Variants in COL24A1 observed in about 807,000 individuals in gnomAD.
The protein encoded by COL24A1 is collagen alpha-1(XXIV) chain.
In COL24A1, 224 loss-of-function variants were observed where a neutral mutation model predicts 253.9. That is an observed-to-expected ratio of 0.88 (90% CI 0.79 to 0.99). COL24A1 has a LOEUF of 0.99. Ranked by LOEUF, COL24A1 falls within the 50% of genes least tolerant of loss-of-function variation. The pLI is 0.00. For missense variants in COL24A1, 2,131 were observed against 2,068.5 expected (o/e 1.03, Z -0.59); for synonymous variants, 685 against 673.7 (o/e 1.02, Z -0.26).
At chr1:86,011,679 T>C (rs1476329661) in intron 19 of COL24A1, among the ~76,000 whole-genome samples, 1 of 152,204 alleles carries the variant, frequency 6.6e-6, no homozygotes, top group Non-Finnish European at 1.5e-5. Context: ...TTTAAAAACA[T>C]TTATAGAATG....
intron 47 of COL24A1, among the ~76,000 whole-genome samples, chr1:85,792,621 T>C (rs1248904241): frequency 1.3e-5 from 2 of 151,122 alleles, no homozygotes; most frequent in Non-Finnish European, 2.9e-5. Flanking sequence ...GGTGAGAGAA[T>C]CGCTTGAGCC....
chr1:85,851,556 T>A (rs980965132), intron 37 of COL24A1, among the ~76,000 whole-genome samples: 4 of 152,196 alleles, frequency 2.6e-5, no homozygotes, highest in African/African-American at 9.6e-5. Context: ...CCAATTTACA[T>A]CCTCAATGGC....
chr1:85,993,517 A>C (rs1414885560), intron 19 of COL24A1, among the ~76,000 whole-genome samples: 1 of 151,994 alleles, frequency 6.6e-6, no homozygotes, highest in East Asian at 1.9e-4. Flanking sequence ...ATCTCGAGTG[A>C]CAAAGAGCAG....
chr1:85,906,234 T>C (rs1005496568), intron 28 of COL24A1, among the ~76,000 whole-genome samples: 1 of 128,190 alleles, frequency 7.8e-6, no homozygotes, highest in African/African-American at 2.8e-5. Flanking sequence ...AACAATTTTC[T>C]CCCATTTGCC....
In COL24A1 at chr1:86,111,793, G is replaced by T. The variant is rs183709852; in HGVS notation, c.1599+774C>A. ...AGACCACGAACCCACCGGGAGGAAT[G>T]AACAACTCCGGATAGGAGGAACGAA... On this transcript the variant is annotated intron_variant, in intron 5 of 59. Transcript: ENST00000370571. Among the ~76,000 whole-genome samples, 1,259 of 152,148 alleles carry T rather than the reference G, an allele frequency of 8.3e-3. 9 individuals are homozygous for T. Among genetic ancestry groups the T allele is most frequent in the African/African-American group, 0.028 (1,174 of 41,492 alleles).
At position 85,885,397 on chromosome 1, in the gene COL24A1, A is replaced by ATATATATATT. The variant is rs60994639; in HGVS notation, c.2976+4162_2976+4163insAATATATATA. Reference sequence around the variant, plus strand: ...TGTGTGTATATATATATATATATATATTTTTTTTTTAAGTAGAAACTAAAT... The same window carrying ATATATATATT: ...TGTGTGTATATATATATATATATATATATATATATTTTTTTTTTTTAAGTAGAAACTAAAT... On this transcript the variant is annotated intron_variant, in intron 32 of 59. Coordinates refer to ENST00000370571, the MANE Select transcript of COL24A1 (RefSeq NM_152890.7). Among the ~76,000 whole-genome samples the ATATATATATT allele has an allele frequency of 1.3e-3, 164 of 128,902 alleles. 3 individuals are homozygous for ATATATATATT. In the East Asian group the frequency reaches 0.019, roughly 15 times the overall value. The allele number at this position is 128,902 out of a possible 152,430, so 84.6% of individuals were successfully genotyped here. A position where few individuals can be genotyped will look rare whatever the true frequency, so the allele number is the denominator to read the frequency against.
chr1:85,982,633 T>C (rs1042393173), intron 20 of COL24A1, among the ~76,000 whole-genome samples: 1 of 151,906 alleles, frequency 6.6e-6, no homozygotes, highest in Non-Finnish European at 1.5e-5. Flanking sequence ...AGAAAAATGA[T>C]CATACAGATT....
chr1:85,965,796 A>G (rs1691512009), intron 22 of COL24A1, among the ~76,000 whole-genome samples: 1 of 152,162 alleles, frequency 6.6e-6, no homozygotes, highest in Non-Finnish European at 1.5e-5. Context: ...GTGCACAGGC[A>G]CTACAGCTAA....
intron 28 of COL24A1, among the ~76,000 whole-genome samples, chr1:85,902,336 C>T (rs1216373603): frequency 6.6e-6 from 1 of 152,178 alleles, no homozygotes; most frequent in African/African-American, 2.4e-5. Context: ...CCTGAATAAA[C>T]ACACTTTAAT....
intron 37 of COL24A1, among the ~76,000 whole-genome samples, chr1:85,863,937 T>G (rs1223836451): frequency 1.3e-5 from 2 of 152,138 alleles, no homozygotes; most frequent in Non-Finnish European, 2.9e-5. Context: ...ATAGGAACAC[T>G]TTTACACTGT....
intron 14 of COL24A1, among the ~76,000 whole-genome samples, chr1:86,024,211 C>G (rs12090143): frequency 0.057 from 8,701 of 152,176 alleles, 553 homozygotes; most frequent in African/African-American, 0.16. Flanking sequence ...GAACCTTTGA[C>G]AAGACAGTTA....
rs567247340 is a variant in COL24A1 at position 85,877,668 on chromosome 1, T to A, written c.2977-493A>T. 3.3e-5 allele frequency among the ~76,000 whole-genome samples: 5 copies of A among 152,090 alleles called. No individual in the cohort carries two copies. The East Asian group carries it at 9.6e-4, about 29-fold the overall frequency. ...ATGAGCCACTGCGCCCAGCTTCATGTGTGTTTTTAAAATAAATTTACTAAG... is the reference window on the plus strand; with the variant it reads ...ATGAGCCACTGCGCCCAGCTTCATGAGTGTTTTTAAAATAAATTTACTAAG... On this transcript the variant is annotated intron_variant, in intron 32 of 59. Transcript: ENST00000370571.
chr1:85,881,674 T>C (rs1006010341), intron 32 of COL24A1, among the ~76,000 whole-genome samples: 14 of 152,238 alleles, frequency 9.2e-5, no homozygotes, highest in African/African-American at 3.4e-4. Context: ...AATATCCATT[T>C]ATTGTCATTT....
intron 55 of COL24A1, among the ~76,000 whole-genome samples, chr1:85,757,691 T>A (rs142476232): frequency 6.6e-6 from 1 of 152,284 alleles, no homozygotes; most frequent in African/African-American, 2.4e-5. Flanking sequence ...GCCTAGCTCA[T>A]GACTGGCACA....
intron 7 of COL24A1, among the ~76,000 whole-genome samples, chr1:86,069,736 C>T (rs1289229569): frequency 6.6e-6 from 1 of 152,094 alleles, no homozygotes; most frequent in Non-Finnish European, 1.5e-5. Context: ...CTTGGTAATC[C>T]AGAGAATTCT....
At chr1:85,840,355 C>T (rs1245741571) in intron 42 of COL24A1, among the ~76,000 whole-genome samples, 1 of 152,030 alleles carries the variant, frequency 6.6e-6, no homozygotes, top group Admixed American at 6.6e-5. Flanking sequence ...CCTTTAGATA[C>T]CTATATATCT....
Position 86,146,173 on chromosome 1 carries a change from G to C in COL24A1, c.67C>G (p.Leu23Val), listed in dbSNP as rs773325885. The C allele has an allele frequency of 1.9e-6, 3 of 1,610,138 alleles. No individual in the cohort carries two copies. Among genetic ancestry groups the C allele is most frequent in the African/African-American group, 2.7e-5 (2 of 74,878 alleles). Residue 23 changes from leucine (L) to valine (V), a missense_variant, in exon 2 of 60, where the codon CTT becomes GTT. By Grantham distance (32) the Leu-to-Val change is conservative (BLOSUM62 1). Coordinates refer to ENST00000370571, the MANE Select transcript of COL24A1 (RefSeq NM_152890.7). ...VSPTAKTKSL[L>V]HFIVLCVAGV... ...GCCACACATAGTACAATAAAATGAA[G>C]AAGTGATTTCCTAGGAAAAGAAAAA...
intron 47 of COL24A1, among the ~76,000 whole-genome samples, chr1:85,791,973 A>G (rs1396943035): frequency 6.6e-6 from 1 of 152,158 alleles, no homozygotes; most frequent in South Asian, 2.1e-4. Flanking sequence ...GTGTTATCCT[A>G]TACAAAGCAT....
At chr1:85,978,929 CAT>C (rs1276795846) in intron 20 of COL24A1, among the ~76,000 whole-genome samples, 7 of 152,126 alleles carry the variant, frequency 4.6e-5, no homozygotes, top group Non-Finnish European at 7.4e-5. Flanking sequence ...AGATAGATCA[CAT>C]GAGAGACTGC....
Sources: gnomAD v4.1 joint callset for allele counts (sites outside exome capture counted in the v4.1 genomes callset) on GRCh38, gnomAD v4.1.1 for gene constraint, MANE v1.5 for transcripts, NCBI Gene and HGNC (gene_info 2026-07-23, HGNC 2026-07-21) for gene names.